Variants in WDHD1 observed in about 807,000 individuals in gnomAD.
The protein encoded by WDHD1 is WD repeat and HMG-box DNA-binding protein 1.
WDHD1 carries 111 observed loss-of-function variants against 135.4 expected under a neutral mutation model. The observed-to-expected ratio is 0.82, with a 90% confidence interval of 0.70 to 0.96. The LOEUF (loss-of-function observed/expected upper bound fraction) is 0.96, where lower values mean the gene tolerates loss of function less well. WDHD1 is among the 40% of genes least tolerant of loss of function. The pLI is 0.00. For missense variants in WDHD1, 1,351 were observed against 1,336.3 expected, an observed-to-expected ratio of 1.01 and a Z score of -0.17; for synonymous variants, 434 against 439.0, an observed-to-expected ratio of 0.99 and a Z score of 0.14.
rs531723782 is a variant in WDHD1 at position 55,019,589 on chromosome 14, C to T, written c.78-5993G>A. Reference sequence around the variant, plus strand: ...TACTTTAAAATAATAAAGAGTAAGGCGGGGTGTGGTGGCTCATGCCTGTAA... The same window carrying T: ...TACTTTAAAATAATAAAGAGTAAGGTGGGGTGTGGTGGCTCATGCCTGTAA... On this transcript the variant is annotated intron_variant, in intron 2 of 25. Transcript: ENST00000360586. Among the ~76,000 whole-genome samples the T allele has an allele frequency of 3.9e-5, 6 of 152,224 alleles. No homozygotes were observed. In the East Asian group the frequency reaches 7.7e-4, roughly 20 times the overall value.
chr14:55,006,429 T>C (rs560002112), intron 7 of WDHD1, among the ~76,000 whole-genome samples: 1 of 152,358 alleles, frequency 6.6e-6, no homozygotes, highest in South Asian at 2.1e-4. Context: ...ATTGTTTGTA[T>C]ACAGGATAAC....
chr14:54,962,767 T>A lies in WDHD1; in HGVS notation c.2618A>T (p.Asp873Val). 6.2e-7 allele frequency: 1 copy of A among 1,613,972 alleles called. No individual in the cohort carries two copies. The highest frequency in any genetic ancestry group is 8.5e-7 in the Non-Finnish European group (1 of 1,180,018). Reference protein sequence around the residue: ...EDAEDSGEADDEEKPEIHKPG... With the variant: ...EDAEDSGEADVEEKPEIHKPG... ...CTTATGTATTTCTGGTTTTTCTTCA[T>A]CATCAGCTTCTCCACTGTCCTCAGC... The change falls in exon 20 of 26, where the codon GAT becomes GTT. Residue 873 changes from aspartate to valine, a missense_variant. By Grantham distance (152) the Asp-to-Val change is radical. This residue lies in a region of WDHD1 where 1,330 missense variants were observed against 1,296.1 expected (regional missense o/e 1.03). Coordinates refer to ENST00000360586, the MANE Select transcript of WDHD1 (RefSeq NM_007086.4).
rs560707275 is a variant in WDHD1, at chr14:54,959,441, GAGGCAGGCAGGC to G, written c.2702-1818_2702-1807del. Among the ~76,000 whole-genome samples the G allele has an allele frequency of 1.1e-3, 162 of 145,838 alleles. 1 individual carries two copies. Among genetic ancestry groups the G allele is most frequent in the East Asian group, 2.4e-3 (11 of 4,678 alleles). On this transcript the variant is annotated intron_variant, in intron 21 of 25. Coordinates refer to ENST00000360586, the MANE Select transcript of WDHD1 (RefSeq NM_007086.4). ...GGAGGGAAGAAGGAAGGGAGGGAGG[GAGGCAGGCAGGC>G]AGGCAGGCAGGCAGGCAGGAAATTT...
At chr14:55,023,128 G>T (rs1208031747) in intron 2 of WDHD1, among the ~76,000 whole-genome samples, 2 of 152,038 alleles carry the variant, frequency 1.3e-5, no homozygotes, top group Admixed American at 6.6e-5. Flanking sequence ...TGACATTTTC[G>T]AAGCCAAATC....
At chr14:55,009,843 CAG>C (rs2042137021) in intron 4 of WDHD1, among the ~76,000 whole-genome samples, 1 of 151,978 alleles carries the variant, frequency 6.6e-6, no homozygotes, top group South Asian at 2.1e-4. Flanking sequence ...TTTTTTGAGA[CAG>C]AGTCTCACTC....
intron 24 of WDHD1, among the ~76,000 whole-genome samples, chr14:54,948,760 G>C (rs756780591): frequency 6.6e-6 from 1 of 152,186 alleles, no homozygotes; most frequent in Non-Finnish European, 1.5e-5. Context: ...CCCCCCAGTA[G>C]GGGCAGACTG....
intron 24 of WDHD1, among the ~76,000 whole-genome samples, chr14:54,948,087 G>A (rs1030149330): frequency 1.3e-5 from 2 of 151,850 alleles, no homozygotes; most frequent in African/African-American, 2.4e-5. Flanking sequence ...CAAGATGGTC[G>A]AATAGGAAGA....
At chr14:54,970,628 A>T (rs1403435434) in intron 16 of WDHD1, among the ~76,000 whole-genome samples, 1 of 151,190 alleles carries the variant, frequency 6.6e-6, no homozygotes, top group Non-Finnish European at 1.5e-5. Flanking sequence ...CACCAAAAAA[A>T]AAAAAAAAGA....
Position 55,010,448 on chromosome 14 carries a change from C to T in WDHD1, c.202G>A (p.Val68Ile). ...YSCALKSGKL[V>I]TAVSNNTIQV... ...ATAGTATTATTAGAAACTGCAGTGA[C>T]CAGTTTTCCACTCTAAAAGAAAAAT... The change falls in exon 4 of 26, where the codon GTC becomes ATC. Residue 68 changes from valine to isoleucine, a missense_variant. Val to Ile is a conservative substitution (Grantham distance 29). Around this residue, in one of 2 missense-constraint regions of WDHD1, gnomAD observed 1,330 missense variants for 1,296.1 expected, o/e 1.03. Transcript: ENST00000360586. 2 of 1,579,578 alleles carry T rather than the reference C, an allele frequency of 1.3e-6. No individual in the cohort carries two copies. Among genetic ancestry groups the T allele is most frequent in the Non-Finnish European group, 1.7e-6 (2 of 1,165,798 alleles).
intron 8 of WDHD1, among the ~76,000 whole-genome samples, chr14:55,001,455 GTCT>G (rs1426294564): frequency 2.6e-5 from 4 of 151,822 alleles, no homozygotes; most frequent in Non-Finnish European, 5.9e-5. Flanking sequence ...TAGAGATGGA[GTCT>G]TCTTTTGTTG....
intron 2 of WDHD1, among the ~76,000 whole-genome samples, chr14:55,014,770 G>A (rs1170968558): frequency 6.6e-6 from 1 of 152,074 alleles, no homozygotes; most frequent in Non-Finnish European, 1.5e-5. Context: ...AGCTGTGGAT[G>A]TTCAAAAGAA....
chr14:54,991,136 T>C lies in WDHD1; in HGVS notation c.1341+77A>G, dbSNP rs564602091. ...AATCAAAGTTTTTAAAAATATGTTTTATCCAAAAAAATTAACTATAGTAAG... is the reference window on the plus strand; with the variant it reads ...AATCAAAGTTTTTAAAAATATGTTTCATCCAAAAAAATTAACTATAGTAAG... On this transcript the variant is annotated intron_variant, in intron 12 of 25. Transcript: ENST00000360586. The C allele has an allele frequency of 1.5e-4, 115 of 762,450 alleles. No individual in the cohort carries two copies. In the South Asian group the frequency reaches 2.4e-3, roughly 16 times the overall value. The allele number at this position is 762,450 out of a possible 1,614,324, so 47.2% of individuals were successfully genotyped here. A position where few individuals can be genotyped will look rare whatever the true frequency, so the allele number is the denominator to read the frequency against.
intron 25 of WDHD1, 136 bp from the exon 26 acceptor site, chr14:54,941,826 T>C: frequency 4.1e-6 from 3 of 725,282 alleles, no homozygotes; most frequent in Non-Finnish European, 4.3e-6. Flanking sequence ...AGTGTTCTCA[T>C]TGTTAACAAA....
intron 21 of WDHD1, among the ~76,000 whole-genome samples, chr14:54,959,485 G>A (rs1188477836): frequency 6.6e-6 from 1 of 151,924 alleles, no homozygotes; most frequent in Non-Finnish European, 1.5e-5. Context: ...ATTTCTAGCT[G>A]AGCATGGCCA....
chr14:55,013,854 C>T (rs2042215957), intron 2 of WDHD1, among the ~76,000 whole-genome samples: 1 of 152,036 alleles, frequency 6.6e-6, no homozygotes, highest in South Asian at 2.1e-4. Flanking sequence ...TGCAAGTGAA[C>T]CATGACGGCA....
intron 4 of WDHD1, among the ~76,000 whole-genome samples, chr14:55,009,720 C>T (rs902012230): frequency 2.6e-5 from 4 of 151,950 alleles, no homozygotes; most frequent in African/African-American, 9.7e-5. Context: ...GCATGAGCCA[C>T]GACGCCAGCC....
chr14:54,978,746 CTA>C (rs1282771116), intron 16 of WDHD1, among the ~76,000 whole-genome samples: 10 of 152,288 alleles, frequency 6.6e-5, no homozygotes, highest in East Asian at 1.9e-4. Context: ...TCCTCTGAGA[CTA>C]TATGTCTTTT....
At chr14:55,014,134 T>C (rs1173641091) in intron 2 of WDHD1, among the ~76,000 whole-genome samples, 1 of 152,250 alleles carries the variant, frequency 6.6e-6, no homozygotes, top group Admixed American at 6.5e-5. Context: ...CAGAGTCTCA[T>C]TCTGTTGCCT....
intron 24 of WDHD1, among the ~76,000 whole-genome samples, chr14:54,947,664 T>C (rs540062512): frequency 6.6e-6 from 1 of 152,170 alleles, no homozygotes; most frequent in African/African-American, 2.4e-5. Flanking sequence ...CAATCTTGGC[T>C]CATTGCAGCC....
Sources: gnomAD v4.1 joint callset for allele counts (sites outside exome capture counted in the v4.1 genomes callset) on GRCh38, gnomAD v4.1.1 for gene constraint, gnomAD v4.1.1 regional missense constraint, MANE v1.5 for transcripts, NCBI Gene and HGNC (gene_info 2026-07-23, HGNC 2026-07-21) for gene names.